Variants in NELFA observed in about 807,000 individuals in gnomAD.
NELFA encodes negative elongation factor complex member A.
NELFA carries 35 observed loss-of-function variants against 51.8 expected under a neutral mutation model. That is an observed-to-expected ratio of 0.68 (90% CI 0.52 to 0.90). The LOEUF (loss-of-function observed/expected upper bound fraction) is 0.90. Among genes scored for constraint, NELFA ranks in the 40% least tolerant of loss-of-function variants. The pLI is 0.00. For synonymous variants in NELFA, 417 were observed against 338.4 expected, an observed-to-expected ratio of 1.23 and a Z score of -2.55; for missense variants, 658 against 746.4, an observed-to-expected ratio of 0.88 and a Z score of 1.38.
chr4:1,993,087 T>C (rs1286878634), intron 1 of NELFA, among the ~76,000 whole-genome samples: 4 of 152,244 alleles, frequency 2.6e-5, no homozygotes, highest in Admixed American at 2.0e-4. Flanking sequence ...TTCCAGCCAG[T>C]GCGGCCTCTC....
rs377031993 is a variant in NELFA, at chr4:1,986,263, C to T, written c.765+9G>A. 17 of 1,574,638 alleles carry T rather than the reference C, an allele frequency of 1.1e-5. No individual in the cohort carries two copies. The highest frequency in any genetic ancestry group is 1.7e-4 in the Middle Eastern group (1 of 6,006). ...CCGGGGTGCCACAGGAGCTGGGGGA[C>T]GGGCCTACCTTCACACCTCGTTCCT... On this transcript the variant is annotated intron_variant, in intron 5 of 10. Transcript: ENST00000382882.
chr4:1,983,981 G>A lies in NELFA; in HGVS notation c.1169C>T (p.Ala390Val), dbSNP rs761074777. The change falls in exon 9 of 11, where the codon GCG becomes GTG. Residue 390 changes from alanine (A) to valine (V), a missense_variant. Ala to Val is a moderately conservative substitution (Grantham distance 64). Around this residue, in one of 3 missense-constraint regions of NELFA, gnomAD observed 200 missense variants for 167.9 expected, o/e 1.19. Transcript: ENST00000382882. ...GLSPATPTPA[A>V]PTSPLTPTTP... Reference sequence around the variant, plus strand: ...GGTGGGTGTCAGAGGCGAGGTGGGCGCCGCAGGCGTGGGTGTGGCAGGGCT... The same window carrying A: ...GGTGGGTGTCAGAGGCGAGGTGGGCACCGCAGGCGTGGGTGTGGCAGGGCT... 15 of 1,609,628 alleles carry A rather than the reference G, an allele frequency of 9.3e-6. No homozygotes were observed. Among genetic ancestry groups the A allele is most frequent in the Middle Eastern group, 1.7e-4 (1 of 6,006 alleles).
chr4:1,991,419 T>C lies in NELFA; in HGVS notation c.382+125A>G. 3 of 982,978 alleles carry C rather than the reference T, an allele frequency of 3.1e-6. No individual in the cohort carries two copies. In the South Asian group the frequency reaches 4.7e-5, roughly 15 times the overall value. 60.9% of individuals were successfully genotyped at this position (982,978 alleles called of 1,614,324 possible). ...GGGAGGATGGTGCATATACAGTTAA[T>C]ATTCTAGGGACCAGGACACACGGAA... On this transcript the variant is annotated intron_variant, in intron 2 of 10. Transcript: ENST00000382882.
At chr4:1,991,758 C>T (rs780248848) in intron 1 of NELFA, 43 bp from the exon 2 acceptor site, 2 of 1,540,178 alleles carry the variant, frequency 1.3e-6, no homozygotes, top group South Asian at 2.6e-5. Context: ...CCCCTGCCCA[C>T]TTCCAAGCCC....
At chr4:1,992,053 C>T (rs1356181231) in intron 1 of NELFA, 2 of 246,046 alleles carry the variant, frequency 8.1e-6, no homozygotes, top group East Asian at 2.4e-4. Flanking sequence ...GGGGCCACCA[C>T]TGCTCCCGCA....
chr4:2,007,484 G>A (rs1728738516), intron 1 of NELFA, among the ~76,000 whole-genome samples: 1 of 152,334 alleles, frequency 6.6e-6, no homozygotes, highest in East Asian at 1.9e-4. Context: ...GGATGAAACT[G>A]TCACGGCGTC....
At chr4:2,001,271 A>T (rs1728559600) in intron 1 of NELFA, among the ~76,000 whole-genome samples, 1 of 152,224 alleles carries the variant, frequency 6.6e-6, no homozygotes, top group Non-Finnish European at 1.5e-5. Flanking sequence ...ACTCCTATTC[A>T]ACATAGTATT....
In NELFA at chr4:2,008,381, A is replaced by G. The variant is rs543944133; in HGVS notation, c.210+369T>C. Among the ~76,000 whole-genome samples, 817 of 147,896 alleles carry G rather than the reference A, an allele frequency of 5.5e-3. 9 individuals carry two copies. Among genetic ancestry groups the G allele is most frequent in the African/African-American group, 0.02 (792 of 39,842 alleles). On this transcript the variant is annotated intron_variant, in intron 1 of 10. Coordinates refer to ENST00000382882, the MANE Select transcript of NELFA (RefSeq NM_005663.5). ...GAACCCGGGGCCCGGCGGGGAGGAG[A>G]TTGAGGATCCCAGGGGAGGTGAAAA... is the stretch of plus-strand genomic sequence containing the variant.
chr4:1,993,489 G>T (rs1020562127), intron 1 of NELFA, among the ~76,000 whole-genome samples: 5 of 151,032 alleles, frequency 3.3e-5, no homozygotes, highest in Non-Finnish European at 5.9e-5. Context: ...TGAGGCAGGG[G>T]AATCGCTTGA....
At chr4:1,997,911 G>T (rs1050537683) in intron 1 of NELFA, among the ~76,000 whole-genome samples, 2 of 152,136 alleles carry the variant, frequency 1.3e-5, no homozygotes, top group African/African-American at 4.8e-5. Flanking sequence ...GAGATCAGAG[G>T]TCCCAGAAGA....
chr4:2,001,283 G>C (rs1247202947), intron 1 of NELFA, among the ~76,000 whole-genome samples: 1 of 152,160 alleles, frequency 6.6e-6, no homozygotes, highest in East Asian at 1.9e-4. Context: ...CATAGTATTG[G>C]AAGTTCTGGC....
chr4:1,987,981 G>T lies in NELFA; in HGVS notation c.571C>A (p.Arg191=), dbSNP rs369461068. 2 of 1,610,920 alleles carry T rather than the reference G, an allele frequency of 1.2e-6. No homozygotes were observed. The highest frequency in any genetic ancestry group is 8.5e-7 in the Non-Finnish European group (1 of 1,179,716). The change falls in exon 4 of 11, where the codon CGG becomes AGG. Residue 191 remains arginine, a synonymous_variant. Coordinates refer to ENST00000382882, the MANE Select transcript of NELFA (RefSeq NM_005663.5). The part of the protein sequence containing the change: ...KSTETAQQLK[R]SAGVPFHAKG... The stretch of plus-strand genomic sequence containing the variant: ...GCGTGGAAGGGCACCCCGGCGCTCC[G>T]CTTCAACTGCTGGGCGGTCTCCGTG...
intron 8 of NELFA, 101 bp downstream of exon 8, chr4:1,984,705 CAG>C (rs1186485707): frequency 2.2e-5 from 17 of 765,664 alleles, no homozygotes; most frequent in Non-Finnish European, 3.2e-5. Context: ...AGGGGGACAA[CAG>C]AGATGCAGGA....
intron 1 of NELFA, among the ~76,000 whole-genome samples, chr4:2,002,051 T>C (rs432538): frequency 2.2e-4 from 33 of 151,318 alleles, no homozygotes; most frequent in Non-Finnish European, 3.4e-4. Flanking sequence ...ATACAAAAAA[T>C]TAGCCAGGCA....
intron 3 of NELFA, among the ~76,000 whole-genome samples, chr4:1,988,608 T>TA (rs1238865272): frequency 2.0e-5 from 3 of 152,246 alleles, no homozygotes; most frequent in Non-Finnish European, 4.4e-5. Flanking sequence ...CCAGCCAAGA[T>TA]CCATGCACAG....
At position 1,992,087 on chromosome 4, in the gene NELFA, TGGGGATGA is replaced by T. The variant is rs556522628; in HGVS notation, c.211-380_211-373del. 3.2e-3 allele frequency: 722 copies of T among 224,126 alleles called. 7 individuals carry two copies. The highest frequency in any genetic ancestry group is 5.2e-3 in the South Asian group (86 of 16,640). 13.9% of individuals were successfully genotyped at this position (224,126 alleles called of 1,614,324 possible). A position where few individuals can be genotyped will look rare whatever the true frequency, so the allele number is the denominator to read the frequency against. ...CAGAAAGCCTGCGGGTGGGAAATCC[TGGGGATGA>T]GGGGCGTAGAGCAGGCAGGTGCCCG... On this transcript the variant is annotated intron_variant, in intron 1 of 10. Coordinates refer to ENST00000382882, the MANE Select transcript of NELFA (RefSeq NM_005663.5).
chr4:2,008,602 G>A, intron 1 of NELFA, 148 bp downstream of exon 1: 3 of 824,396 alleles, frequency 3.6e-6, no homozygotes, highest in Non-Finnish European at 5.6e-6. Flanking sequence ...AGCGAGGAGG[G>A]GGCGTGAGGG....
chr4:1,983,686 TCTG>T lies in NELFA; in HGVS notation c.1309_1311del (p.Gln437del), dbSNP rs1227182071. 1.9e-6 allele frequency: 3 copies of T among 1,613,936 alleles called. No individual in the cohort carries two copies. Among genetic ancestry groups the T allele is most frequent in the Non-Finnish European group, 1.7e-6 (2 of 1,179,954 alleles). On this transcript the variant is annotated inframe_deletion, in exon 10 of 11. Coordinates refer to ENST00000382882, the MANE Select transcript of NELFA (RefSeq NM_005663.5). ...TTGAACATCTCCTGGGCAGCGAACATCTGCTCTCTCTACAGCGGGGAGAGGGGT... is the reference window on the plus strand; with the variant it reads ...TTGAACATCTCCTGGGCAGCGAACATCTCTCTCTACAGCGGGGAGAGGGGT...
At position 2,008,733 on chromosome 4, in the gene NELFA, C is replaced by A. The variant is rs1317608813; in HGVS notation, c.210+17G>T. On this transcript the variant is annotated intron_variant, in intron 1 of 10. Transcript: ENST00000382882. ...GGTTGGGAATCTGGGGGCCGCGGGG[C>A]GCCACGCCTGCCTTACCTCGTCCAC... 6.3e-7 allele frequency: 1 copy of A among 1,590,606 alleles called. No homozygotes were observed. Among genetic ancestry groups the A allele is most frequent in the Non-Finnish European group, 8.6e-7 (1 of 1,167,874 alleles).
Sources: gnomAD v4.1 joint callset for allele counts (sites outside exome capture counted in the v4.1 genomes callset) on GRCh38, gnomAD v4.1.1 for gene constraint, gnomAD v4.1.1 regional missense constraint, MANE v1.5 for transcripts, NCBI Gene and HGNC (gene_info 2026-07-23, HGNC 2026-07-21) for gene names.